MYO9B: variants seen among roughly 807,000 people sequenced by gnomAD.
The protein encoded by MYO9B is unconventional myosin-IXb.
A neutral mutation model predicts 229.5 loss-of-function variants in MYO9B; 71 were observed. The observed-to-expected ratio is 0.31, with a 90% CI of 0.26 to 0.38. The LOEUF (loss-of-function observed/expected upper bound fraction) is 0.38, where lower values mean the gene tolerates loss of function less well. Ranked by LOEUF, MYO9B falls within the 10% of genes least tolerant of loss-of-function variation. MYO9B has a pLI of 1.00. For synonymous variants in MYO9B, 1,185 were observed against 1,235.8 expected (o/e 0.96, Z 0.86); for missense variants, 2,255 against 2,920.5 (o/e 0.77, Z 5.25).
At chr19:17,113,280 G>A (rs937502578) in intron 2 of MYO9B, among the ~76,000 whole-genome samples, 1 of 152,146 alleles carries the variant, frequency 6.6e-6, no homozygotes, top group African/African-American at 2.4e-5. Context: ...GTCCGGGGCA[G>A]CAGCCTGGTG....
intron 2 of MYO9B, among the ~76,000 whole-genome samples, chr19:17,144,636 C>T (rs955097383): frequency 6.6e-6 from 1 of 151,752 alleles, no homozygotes; most frequent in Non-Finnish European, 1.5e-5. Context: ...GGGCTACTCT[C>T]TGCTTACTGG....
chr19:17,195,336 C>T lies in MYO9B; in HGVS notation c.3909C>T (p.Ala1303=), dbSNP rs780570992. ...GSTQIQRYLD[A]ERLASAVELW... ...CGCAGATCCAGCGGTACCTGGACGC[C>T]GAGCGGCTGGCCAGCGCCGTGGAAC... Residue 1303 remains alanine, a synonymous_variant, in exon 22 of 40, where the codon GCC becomes GCT. Coordinates refer to ENST00000682292, the MANE Select transcript of MYO9B (RefSeq NM_004145.4). This position sits in a 1 kb window ranked among gnomAD's most constrained non-coding sequence, Gnocchi z 4.5. 1.2e-5 allele frequency: 20 copies of T among 1,612,376 alleles called. No homozygotes were observed. The highest frequency in any genetic ancestry group is 3.3e-5 in the Admixed American group (2 of 59,976).
chr19:17,137,281 T>G (rs1220623043), intron 2 of MYO9B, among the ~76,000 whole-genome samples: 1 of 150,694 alleles, frequency 6.6e-6, no homozygotes, highest in East Asian at 2.0e-4. Flanking sequence ...TCTCAGCTCC[T>G]TAAGAGACAG....
Position 17,154,438 on chromosome 19 carries a change from C to T in MYO9B, c.1199+23C>T, listed in dbSNP as rs764394467. ...GCAGTAAGTGTGCGGGCTCCCGGGG[C>T]CTGTCCCCCAGAGCCTACAGGGGGC... is the stretch of plus-strand genomic sequence containing the variant. On this transcript the variant is annotated intron_variant, in intron 6 of 39. Transcript: ENST00000682292. The T allele has an allele frequency of 5.0e-6, 8 of 1,585,714 alleles. No homozygotes were observed. In the African/African-American group the frequency reaches 1.1e-4, roughly 21 times the overall value.
At chr19:17,210,468 T>C (rs1239111972) in intron 37 of MYO9B, 88 bp downstream of exon 37, 5 of 1,426,326 alleles carry the variant, frequency 3.5e-6, no homozygotes, top group Non-Finnish European at 3.8e-6. Context: ...CCTCGTAGGA[T>C]AGACAGAGCC....
chr19:17,180,463 C>T (rs2072846144), intron 14 of MYO9B, among the ~76,000 whole-genome samples: 1 of 149,406 alleles, frequency 6.7e-6, no homozygotes, highest in Admixed American at 6.8e-5. Flanking sequence ...AGCAATTCTG[C>T]CTCAGCCTCC....
intron 2 of MYO9B, among the ~76,000 whole-genome samples, chr19:17,143,742 G>C (rs2072371972): frequency 1.3e-5 from 2 of 152,118 alleles, no homozygotes; most frequent in Admixed American, 1.3e-4. Flanking sequence ...CCAACGTGGT[G>C]AAACCCCGTC....
At chr19:17,136,168 G>A (rs1254077146) in intron 2 of MYO9B, among the ~76,000 whole-genome samples, 4 of 152,136 alleles carry the variant, frequency 2.6e-5, no homozygotes, top group Admixed American at 6.5e-5. Context: ...GAGTCTGGTC[G>A]TGGGACCACA....
chr19:17,181,371 C>T (rs2072858691), intron 15 of MYO9B, among the ~76,000 whole-genome samples: 1 of 152,128 alleles, frequency 6.6e-6, no homozygotes, highest in Non-Finnish European at 1.5e-5. Context: ...AGCTTGCTCC[C>T]GCCTTTGCCA....
chr19:17,077,221 C>G (rs1037030008), intron 1 of MYO9B, among the ~76,000 whole-genome samples: 1 of 152,210 alleles, frequency 6.6e-6, no homozygotes, highest in Non-Finnish European at 1.5e-5. Flanking sequence ...CATTTCTCCC[C>G]TTTCCCAACT....
At chr19:17,130,643 G>T (rs2072183943) in intron 2 of MYO9B, among the ~76,000 whole-genome samples, 1 of 151,376 alleles carries the variant, frequency 6.6e-6, no homozygotes, top group African/African-American at 2.4e-5. Flanking sequence ...AATTAACCAG[G>T]CATGGTGGTG....
At chr19:17,168,879 C>T (rs908430494) in intron 11 of MYO9B, among the ~76,000 whole-genome samples, 1 of 152,202 alleles carries the variant, frequency 6.6e-6, no homozygotes, top group Non-Finnish European at 1.5e-5. Context: ...CTGAGCCTTC[C>T]TCCCTCATCC....
Position 17,209,663 on chromosome 19 carries a change from C to T in MYO9B, c.5702C>T (p.Ala1901Val). The T allele has an allele frequency of 2.5e-6, 4 of 1,612,914 alleles. No individual in the cohort carries two copies. Among genetic ancestry groups the T allele is most frequent in the East Asian group, 2.2e-5 (1 of 44,870 alleles). The part of the protein sequence containing the change: ...KMEEISQLEA[A>V]ESIAFRRLSL... ...GAGGAGATCAGCCAACTGGAGGCTG[C>T]AGAGAGTATCGCCTTCCGCAGGCTT... The change falls in exon 36 of 40, where the codon GCA (alanine) becomes GTA (valine). Residue 1901 changes from alanine to valine, a missense_variant. Ala to Val is a moderately conservative substitution (Grantham distance 64). Around this residue, in one of 7 missense-constraint regions of MYO9B, gnomAD observed 416 missense variants for 605.5 expected, o/e 0.69. Coordinates refer to ENST00000682292, the MANE Select transcript of MYO9B (RefSeq NM_004145.4).
chr19:17,190,167 A>C (rs975973429), intron 19 of MYO9B, among the ~76,000 whole-genome samples: 2 of 151,334 alleles, frequency 1.3e-5, no homozygotes, highest in African/African-American at 2.4e-5. Context: ...CACTGCACCC[A>C]GCTGAGAACC....
intron 2 of MYO9B, among the ~76,000 whole-genome samples, chr19:17,124,429 T>C (rs1249259283): frequency 6.6e-6 from 1 of 152,154 alleles, no homozygotes; most frequent in Admixed American, 6.6e-5. Flanking sequence ...TAAAACTTCG[T>C]GGAACTTTTT....
chr19:17,188,276 A>G (rs2072941205), intron 19 of MYO9B, among the ~76,000 whole-genome samples: 1 of 151,820 alleles, frequency 6.6e-6, no homozygotes. Context: ...TAAAAATACA[A>G]AAATTAGCCG....
chr19:17,082,921 T>C (rs1385358039), intron 1 of MYO9B, among the ~76,000 whole-genome samples: 1 of 151,682 alleles, frequency 6.6e-6, no homozygotes, highest in East Asian at 1.9e-4. Context: ...CCTCTTGCAC[T>C]CCGCACTCTC....
In MYO9B at chr19:17,195,613, C is replaced by T; in HGVS notation, c.4046+140C>T. ...GGGAGGCCTGAGGGAGGAGGACGAG[C>T]AGGACATGCTAAAGACCAAGTGAAG... is the stretch of plus-strand genomic sequence containing the variant. On this transcript the variant is annotated intron_variant, in intron 22 of 39. Coordinates refer to ENST00000682292, the MANE Select transcript of MYO9B (RefSeq NM_004145.4). The surrounding 1 kb of genome is among the most constrained non-coding windows in gnomAD (Gnocchi z 4.5). 8.8e-7 allele frequency: 1 copy of T among 1,141,486 alleles called. No homozygotes were observed. The highest frequency in any genetic ancestry group is 1.2e-6 in the Non-Finnish European group (1 of 814,756). The allele number at this position is 1,141,486 out of a possible 1,614,324, so 70.7% of individuals were successfully genotyped here. A position where few individuals can be genotyped will look rare whatever the true frequency, so the allele number is the denominator to read the frequency against.
At chr19:17,100,450 G>A (rs1403522580) in intron 1 of MYO9B, among the ~76,000 whole-genome samples, 4 of 152,192 alleles carry the variant, frequency 2.6e-5, no homozygotes, top group Non-Finnish European at 4.4e-5. Context: ...TCTAGCCTGG[G>A]CGACAGCACG....
Sources: allele counts gnomAD v4.1 joint callset (sites outside exome capture counted in the v4.1 genomes callset), GRCh38; gene constraint gnomAD v4.1.1; regional missense constraint gnomAD v4.1.1; non-coding constraint Gnocchi (gnomAD v3.1); transcripts MANE v1.5; gene names NCBI Gene and HGNC (gene_info 2026-07-23, HGNC 2026-07-21).